The following YEATS2 variants were observed in gnomAD, a reference collection of about 807,000 sequenced individuals.
YEATS2 encodes YEATS domain containing 2.
YEATS2 carries 77 observed loss-of-function variants against 163.2 expected under a neutral mutation model. That is an observed-to-expected ratio of 0.47 (90% CI 0.39 to 0.57). The LOEUF is 0.57. Ranked by LOEUF, YEATS2 falls within the 20% of genes least tolerant of loss-of-function variation. The pLI, the probability that YEATS2 is intolerant of heterozygous loss-of-function variation, is 0.00. For synonymous variants in YEATS2, 631 were observed against 645.1 expected (o/e 0.98, Z 0.33); for missense variants, 1,549 against 1,729.8 (o/e 0.90, Z 1.85).
In YEATS2 at chr3:183,772,458, ATTGTGAGTGGAGGTGGAGGAACCATTG is replaced by A. The variant is rs1199239089; in HGVS notation, c.2105_2131del (p.Val702_Val710del). The A allele has an allele frequency of 8.7e-6, 14 of 1,614,154 alleles. No individual in the cohort carries two copies. Among genetic ancestry groups the A allele is most frequent in the Non-Finnish European group, 1.2e-5 (14 of 1,180,022 alleles). On this transcript the variant is annotated inframe_deletion, in exon 16 of 31. Coordinates refer to ENST00000305135, the MANE Select transcript of YEATS2 (RefSeq NM_018023.5). The stretch of plus-strand genomic sequence containing the variant: ...TGTAACCCAAGGAGTTGCCAAAGCA[ATTGTGAGTGGAGGTGGAGGAACCATTG>A]TTGCTCAGCCAGTGCAGACCTTAAC...
intron 26 of YEATS2, 161 bp from the exon 27 acceptor site, chr3:183,803,826 G>T: frequency 2.7e-6 from 2 of 731,894 alleles, no homozygotes; most frequent in Non-Finnish European, 4.4e-6. Context: ...AGGGAAGTTC[G>T]ACTTTTTTTT....
chr3:183,698,428 C>G (rs2108940121), intron 1 of YEATS2, among the ~76,000 whole-genome samples: 1 of 152,234 alleles, frequency 6.6e-6, no homozygotes, highest in African/African-American at 2.4e-5. Context: ...GGGGAGGGGT[C>G]AGAGAGGCTT....
At chr3:183,739,205 A>G (rs1718689884) in intron 8 of YEATS2, among the ~76,000 whole-genome samples, 1 of 152,062 alleles carries the variant, frequency 6.6e-6, no homozygotes. Flanking sequence ...GTTTATCTAG[A>G]AAACCCCATC....
At chr3:183,707,451 G>C (rs1267108006) in intron 1 of YEATS2, among the ~76,000 whole-genome samples, 1 of 152,128 alleles carries the variant, frequency 6.6e-6, no homozygotes, top group East Asian at 1.9e-4. Context: ...TTGGACTTTT[G>C]AGACATTTTT....
At chr3:183,701,655 A>T (rs1354363746) in intron 1 of YEATS2, among the ~76,000 whole-genome samples, 1 of 150,974 alleles carries the variant, frequency 6.6e-6, no homozygotes, top group Non-Finnish European at 1.5e-5. Context: ...TGGCCTCCCA[A>T]AGTGCTGGGA....
intron 6 of YEATS2, among the ~76,000 whole-genome samples, chr3:183,725,605 G>A (rs1717004221): frequency 1.3e-5 from 2 of 152,192 alleles, no homozygotes; most frequent in Admixed American, 6.5e-5. Flanking sequence ...TTATAAAACT[G>A]TCAGATCTTA....
At chr3:183,781,068 A>G (rs1467664129) in intron 19 of YEATS2, among the ~76,000 whole-genome samples, 1 of 152,224 alleles carries the variant, frequency 6.6e-6, no homozygotes, top group Non-Finnish European at 1.5e-5. Flanking sequence ...GTTAATACAA[A>G]TGACAATTTT....
At chr3:183,770,832 ATATAAT>A (rs749389636) in intron 15 of YEATS2, among the ~76,000 whole-genome samples, 4 of 152,214 alleles carry the variant, frequency 2.6e-5, no homozygotes, top group Non-Finnish European at 5.9e-5. Context: ...TCACTAATAT[ATATAAT>A]TCTAGTTCAT....
chr3:183,796,854 T>G (rs561465200), intron 21 of YEATS2, among the ~76,000 whole-genome samples: 7 of 152,142 alleles, frequency 4.6e-5, no homozygotes, highest in Non-Finnish European at 5.9e-5. Flanking sequence ...TAGTATTGAT[T>G]TTCTCTGCGG....
In YEATS2 at chr3:183,769,804, T is replaced by G. The variant is rs144978889; in HGVS notation, c.1948-2501T>G. On this transcript the variant is annotated intron_variant, in intron 15 of 30. Transcript: ENST00000305135. ...GACTCCCAGGTTCAAGCGATTCTGC[T>G]GCCTCAGCCTCCCGAGTAGCTGGGG... Among the ~76,000 whole-genome samples, 111 of 152,184 alleles carry G rather than the reference T, an allele frequency of 7.3e-4. 2 individuals carry two copies. The East Asian group carries it at 0.017, about 24-fold the overall frequency.
At chr3:183,710,038 G>A (rs567115640) in intron 1 of YEATS2, among the ~76,000 whole-genome samples, 12 of 152,086 alleles carry the variant, frequency 7.9e-5, no homozygotes, top group South Asian at 2.1e-4. Flanking sequence ...TAGTCGCAGC[G>A]TTACATTTAT....
At position 183,747,717 on chromosome 3, in the gene YEATS2, G is replaced by A. The variant is rs1719699599; in HGVS notation, c.969+1G>A. ...CTTGCAGACTCTTGGAGCAGAGACGGTAGGTTTTTTTCCTACAGTATTATC... is the reference window on the plus strand; with the variant it reads ...CTTGCAGACTCTTGGAGCAGAGACGATAGGTTTTTTTCCTACAGTATTATC... On this transcript the variant is annotated splice_donor_variant, in intron 9 of 30. Transcript: ENST00000305135. LOFTEE classifies it high-confidence loss of function. The A allele has an allele frequency of 6.2e-7, 1 of 1,612,382 alleles. No homozygotes were observed. Among genetic ancestry groups the A allele is most frequent in the Non-Finnish European group, 8.5e-7 (1 of 1,178,848 alleles).
At chr3:183,756,836 C>CT in intron 12 of YEATS2, 147 bp downstream of exon 12, 1 of 721,932 alleles carries the variant, frequency 1.4e-6, no homozygotes, top group Non-Finnish European at 2.0e-6. Context: ...AGCCAATACT[C>CT]TTTCTCTGAG....
chr3:183,788,352 T>C (rs1724268409), intron 20 of YEATS2, among the ~76,000 whole-genome samples: 1 of 152,136 alleles, frequency 6.6e-6, no homozygotes, highest in Non-Finnish European at 1.5e-5. Flanking sequence ...TCTGTCTTCA[T>C]GGGTTCAGTT....
At chr3:183,700,792 AG>A (rs1233009071) in intron 1 of YEATS2, among the ~76,000 whole-genome samples, 33 of 147,736 alleles carry the variant, frequency 2.2e-4, no homozygotes, top group Admixed American at 1.6e-3. Context: ...AAAAAAAAAA[AG>A]GCAGATACAA....
intron 17 of YEATS2, 88 bp downstream of exon 17, chr3:183,773,882 T>A: frequency 7.0e-7 from 1 of 1,423,110 alleles, no homozygotes; most frequent in Non-Finnish European, 9.3e-7. Flanking sequence ...CTTACCTGTT[T>A]CAGGAAGCAT....
At chr3:183,723,903 T>G (rs1716796147) in intron 5 of YEATS2, among the ~76,000 whole-genome samples, 1 of 152,112 alleles carries the variant, frequency 6.6e-6, no homozygotes, top group South Asian at 2.1e-4. Flanking sequence ...CAGAGCGAGA[T>G]TCTGTCTCAA....
intron 9 of YEATS2, among the ~76,000 whole-genome samples, chr3:183,750,113 C>T (rs186809673): frequency 7.2e-5 from 11 of 152,060 alleles, no homozygotes; most frequent in South Asian, 2.1e-4. Flanking sequence ...CATGAGCCAC[C>T]GCGCCCGGCC....
At position 183,806,970 on chromosome 3, in the gene YEATS2, C is replaced by G. The variant is rs774743308; in HGVS notation, c.3889C>G (p.Leu1297Val). 1.9e-6 allele frequency: 3 copies of G among 1,614,154 alleles called. No individual in the cohort carries two copies. Among genetic ancestry groups the G allele is most frequent in the Non-Finnish European group, 2.5e-6 (3 of 1,180,032 alleles). Residue 1297 changes from leucine (L) to valine (V), a missense_variant, in exon 28 of 31, where the codon CTC (leucine) becomes GTC (valine). By Grantham distance (32) the Leu-to-Val change is conservative (BLOSUM62 1). Transcript: ENST00000305135. Reference protein sequence around the residue: ...EPENEEEVDILSLSEPVKINI... With the variant: ...EPENEEEVDIVSLSEPVKINI... Reference sequence around the variant, plus strand: ...CGAGAATGAGGAGGAGGTGGACATCCTCAGCCTCTCCGAGCCAGTGAAGAT... The same window carrying G: ...CGAGAATGAGGAGGAGGTGGACATCGTCAGCCTCTCCGAGCCAGTGAAGAT...
Sources: gnomAD v4.1 joint callset for allele counts (sites outside exome capture counted in the v4.1 genomes callset) on GRCh38, gnomAD v4.1.1 for gene constraint, MANE v1.5 for transcripts, NCBI Gene and HGNC (gene_info 2026-07-23, HGNC 2026-07-21) for gene names.